The following MARCHF3 variants were observed in gnomAD, a reference collection of about 807,000 sequenced individuals.
The protein encoded by MARCHF3 is membrane associated ring-CH-type finger 3.
In MARCHF3, 13 loss-of-function variants were observed where a neutral mutation model predicts 24.2. The observed-to-expected ratio is 0.54, with a 90% CI of 0.35 to 0.85. The LOEUF (loss-of-function observed/expected upper bound fraction) is 0.85, where lower values mean the gene tolerates loss of function less well. Among genes scored for constraint, MARCHF3 ranks in the 40% least tolerant of loss-of-function variants. The probability of loss-of-function intolerance (pLI) is 0.01; values close to 1 mark genes in which losing one functional copy is unlikely to be tolerated. For missense variants in MARCHF3, 276 were observed against 325.0 expected (o/e 0.85, Z 1.16); for synonymous variants, 144 against 137.3 (o/e 1.05, Z -0.34).
chr5:126,894,452 T>G (rs1398887797), intron 3 of MARCHF3, among the ~76,000 whole-genome samples: 2 of 151,572 alleles, frequency 1.3e-5, no homozygotes, highest in Non-Finnish European at 2.9e-5. Context: ...TGTTTAGCGC[T>G]TCCTTCAGGA....
At chr5:126,909,540 C>A (rs1010448544) in intron 3 of MARCHF3, among the ~76,000 whole-genome samples, 2 of 152,222 alleles carry the variant, frequency 1.3e-5, no homozygotes, top group Non-Finnish European at 2.9e-5. Context: ...TTTTTTAAGC[C>A]CATCGGAAAA....
chr5:127,006,192 G>A (rs993297939), intron 1 of MARCHF3, among the ~76,000 whole-genome samples: 1 of 147,000 alleles, frequency 6.8e-6, no homozygotes, highest in Admixed American at 6.7e-5. Context: ...GACACAGTGA[G>A]GCTCTGTCAA....
At chr5:126,974,648 A>G (rs992368338) in intron 1 of MARCHF3, among the ~76,000 whole-genome samples, 1 of 152,216 alleles carries the variant, frequency 6.6e-6, no homozygotes, top group Non-Finnish European at 1.5e-5. Flanking sequence ...TTGTCAGATG[A>G]ACTCATTTAA....
intron 1 of MARCHF3, among the ~76,000 whole-genome samples, chr5:126,982,248 C>G (rs913024645): frequency 6.6e-6 from 1 of 152,214 alleles, no homozygotes; most frequent in African/African-American, 2.4e-5. Flanking sequence ...CAGTGACACC[C>G]CTGGCCTTGT....
chr5:126,972,661 C>T (rs1426287629), intron 1 of MARCHF3, among the ~76,000 whole-genome samples: 1 of 152,182 alleles, frequency 6.6e-6, no homozygotes, highest in Non-Finnish European at 1.5e-5. Context: ...CTTCCACCCC[C>T]AACAGGTTTC....
rs373006204 is a variant in MARCHF3 at position 126,870,744 on chromosome 5, G to T, written c.651C>A (p.Thr217=). ...GAATGAGGAGAATCACCCTCTGATTGGTCCGACGCCACTCGTTGTACAATC... is the reference window on the plus strand; with the variant it reads ...GAATGAGGAGAATCACCCTCTGATTTGTCCGACGCCACTCGTTGTACAATC... ...HCRLYNEWRR[T]NQRVILLIPK... Residue 217 remains threonine (T), a synonymous_variant, in exon 5 of 5, where the codon ACC becomes ACA. Coordinates refer to ENST00000308660, the MANE Select transcript of MARCHF3 (RefSeq NM_178450.5). The T allele has an allele frequency of 2.5e-6, 4 of 1,614,192 alleles. No homozygotes were observed. Among genetic ancestry groups the T allele is most frequent in the African/African-American group, 2.7e-5 (2 of 75,052 alleles).
At chr5:126,909,671 C>T (rs910687389) in intron 3 of MARCHF3, among the ~76,000 whole-genome samples, 3 of 152,206 alleles carry the variant, frequency 2.0e-5, no homozygotes, top group South Asian at 2.1e-4. Flanking sequence ...TGCTTTGGCT[C>T]GCACACGGTG....
At chr5:126,940,218 T>A (rs1444934700) in intron 1 of MARCHF3, among the ~76,000 whole-genome samples, 1 of 152,150 alleles carries the variant, frequency 6.6e-6, no homozygotes, top group East Asian at 1.9e-4. Flanking sequence ...CAAGTATTGA[T>A]TTTGGGGTTA....
chr5:127,011,511 T>G (rs1039156385), intron 1 of MARCHF3, among the ~76,000 whole-genome samples: 7 of 152,230 alleles, frequency 4.6e-5, no homozygotes, highest in African/African-American at 1.7e-4. Flanking sequence ...TTTTTCCTAG[T>G]CTTTTGCTTA....
In MARCHF3 at chr5:126,868,977, G is replaced by A. The variant is rs1752863690; in HGVS notation, c.*1656C>T. 1 of 152,330 alleles carries A rather than the reference G, an allele frequency of 6.6e-6. No individual in the cohort carries two copies. The highest frequency in any genetic ancestry group is 2.4e-5 in the African/African-American group (1 of 41,456). The allele number at this position is 152,330 out of a possible 1,614,324, so 9.4% of individuals were successfully genotyped here. A position where few individuals can be genotyped will look rare whatever the true frequency, so the allele number is the denominator to read the frequency against. On this transcript the variant is annotated 3_prime_UTR_variant, in exon 5 of 5. Coordinates refer to ENST00000308660, the MANE Select transcript of MARCHF3 (RefSeq NM_178450.5). ...ATATTACTGGAATTGAAGTGTCCCA[G>A]TGAAGCGTGGTGGGGAGGAAATCTA... is the stretch of plus-strand genomic sequence containing the variant.
At chr5:126,964,748 G>A (rs930555515) in intron 1 of MARCHF3, among the ~76,000 whole-genome samples, 2 of 152,128 alleles carry the variant, frequency 1.3e-5, no homozygotes, top group African/African-American at 4.8e-5. Flanking sequence ...GGAGGTCAAC[G>A]CCAAGTTCTG....
chr5:126,876,910 A>G (rs998955958), intron 4 of MARCHF3, among the ~76,000 whole-genome samples: 3 of 152,192 alleles, frequency 2.0e-5, no homozygotes, highest in African/African-American at 7.2e-5. Flanking sequence ...TCAGCCTCCC[A>G]AAGTGCTGGG....
intron 1 of MARCHF3, 37 bp downstream of exon 1, chr5:127,030,310 GCGC>G (rs1753140842): frequency 6.6e-6 from 1 of 152,210 alleles, no homozygotes; most frequent in African/African-American, 2.4e-5. Context: ...CCGCCGAACC[GCGC>G]CGAGAGGAGC....
intron 1 of MARCHF3, among the ~76,000 whole-genome samples, chr5:126,929,543 A>G (rs573742596): frequency 8.2e-4 from 125 of 152,380 alleles, no homozygotes; most frequent in Non-Finnish European, 1.2e-3. Context: ...TTTGGAACAA[A>G]GAATCAGTGC....
intron 1 of MARCHF3, chr5:126,946,488 C>A (rs1750014946): frequency 6.6e-6 from 1 of 151,504 alleles, no homozygotes; most frequent in Non-Finnish European, 1.5e-5. Context: ...TATGAAGTCA[C>A]CATGTAAAAC....
chr5:126,925,183 T>A (rs1303640876), intron 1 of MARCHF3, among the ~76,000 whole-genome samples: 2 of 152,290 alleles, frequency 1.3e-5, no homozygotes, highest in Middle Eastern at 3.4e-3. Context: ...TTGGGGGTAA[T>A]GGCATATTCT....
chr5:126,915,005 T>C lies in MARCHF3; in HGVS notation c.318A>G (p.Ser106=). ...GTTCACAGTAGCTGGTGTTTGAGGA[T>C]GACAGCCAGTGCTCCAGGCAGCTCC... The part of the protein sequence containing the change: ...IHRSCLEHWL[S]SSNTSYCELC... Residue 106 remains serine (S), a synonymous_variant, in exon 3 of 5, where the codon TCA becomes TCG. Coordinates refer to ENST00000308660, the MANE Select transcript of MARCHF3 (RefSeq NM_178450.5). 3 of 1,614,194 alleles carry C rather than the reference T, an allele frequency of 1.9e-6. No individual in the cohort carries two copies. The highest frequency in any genetic ancestry group is 2.5e-6 in the Non-Finnish European group (3 of 1,180,036).
At chr5:126,883,397 A>G (rs1016164385) in intron 3 of MARCHF3, among the ~76,000 whole-genome samples, 1 of 152,206 alleles carries the variant, frequency 6.6e-6, no homozygotes, top group African/African-American at 2.4e-5. Context: ...CCCAGCAGTG[A>G]GCTGCCTATT....
intron 1 of MARCHF3, among the ~76,000 whole-genome samples, 154 bp from the exon 2 acceptor site, chr5:126,918,381 T>TAC (rs1554065520): frequency 2.7e-5 from 4 of 148,166 alleles, no homozygotes; most frequent in Non-Finnish European, 2.9e-5. Flanking sequence ...TTAATACAAG[T>TAC]GCACACACAC....
Sources: allele counts gnomAD v4.1 joint callset (sites outside exome capture counted in the v4.1 genomes callset), GRCh38; gene constraint gnomAD v4.1.1; transcripts MANE v1.5; gene names NCBI Gene and HGNC (gene_info 2026-07-23, HGNC 2026-07-21).